SYTL3: variants seen among roughly 807,000 people sequenced by gnomAD.
The protein encoded by SYTL3 is synaptotagmin-like protein 3.
Under a neutral mutation model 82.1 loss-of-function variants are expected in SYTL3, and 88 were observed. The observed-to-expected ratio is 1.07, with a 90% confidence interval of 0.90 to 1.28. The LOEUF (loss-of-function observed/expected upper bound fraction) is 1.28, where lower values mean the gene tolerates loss of function less well. Among genes scored for constraint, SYTL3 ranks in the 50% most tolerant of loss-of-function variants. The pLI, the probability that SYTL3 is intolerant of heterozygous loss-of-function variation, is 0.00. For missense variants in SYTL3, 831 were observed against 757.6 expected, an observed-to-expected ratio of 1.10 and a Z score of -1.14; for synonymous variants, 311 against 289.4, an observed-to-expected ratio of 1.07 and a Z score of -0.76.
Position 158,751,981 on chromosome 6 carries a change from CTG to C in SYTL3, c.1089_1090del (p.Gly364SerfsTer57). 1.9e-6 allele frequency: 3 copies of C among 1,602,818 alleles called. No individual in the cohort carries two copies. The highest frequency in any genetic ancestry group is 1.1e-5 in the South Asian group (1 of 89,004). ...AGATCCTCCCAGGGAAAGCGCAAGA[CTG>C]GAGTCCAAAGGAACACCGTGGACCC... is the stretch of plus-strand genomic sequence containing the variant. On this transcript the variant is annotated frameshift_variant, in exon 13 of 18. Transcript: ENST00000611299. LOFTEE classifies it high-confidence loss of function.
At chr6:158,692,884 G>A (rs1780060592) in intron 6 of SYTL3, among the ~76,000 whole-genome samples, 1 of 152,032 alleles carries the variant, frequency 6.6e-6, no homozygotes, top group Admixed American at 6.5e-5. Flanking sequence ...CTGGGAGGTG[G>A]AGGTTGCAGT....
Position 158,665,478 on chromosome 6 carries a change from G to A in SYTL3, c.194G>A (p.Arg65His), listed in dbSNP as rs771883435. The change falls in exon 5 of 18, where the codon CGC becomes CAC. Residue 65 changes from arginine (R) to histidine (H), a missense_variant. Arg to His is a conservative substitution (Grantham distance 29). Coordinates refer to ENST00000611299, the MANE Select transcript of SYTL3 (RefSeq NM_001242394.2). Reference sequence around the variant, plus strand: ...GAGCACAAAGAGAAGTGCTGTGCGCGCTGCCAGCAGGTGCTGGGGTTCCTG... The same window carrying A: ...GAGCACAAAGAGAAGTGCTGTGCGCACTGCCAGCAGGTGCTGGGGTTCCTG... ...DWEHKEKCCA[R>H]CQQVLGFLLH... The A allele has an allele frequency of 6.8e-6, 11 of 1,606,684 alleles. No individual in the cohort carries two copies. The highest frequency in any genetic ancestry group is 1.7e-5 in the Admixed American group (1 of 58,904).
rs115731226 is a variant in SYTL3, at chr6:158,723,960, C to T, written c.721-1543C>T. ...GTCTAGGACGTGCTTTCTGTTTAAC[C>T]GTCACCAGCTGCTCCAGGTGGAAGG... On this transcript the variant is annotated intron_variant, in intron 10 of 17. Coordinates refer to ENST00000611299, the MANE Select transcript of SYTL3 (RefSeq NM_001242394.2). 9.1e-3 allele frequency among the ~76,000 whole-genome samples: 1,384 copies of T among 152,276 alleles called. 13 individuals are homozygous for T. Among genetic ancestry groups the T allele is most frequent in the African/African-American group, 0.031 (1,275 of 41,544 alleles).
At chr6:158,680,612 T>C (rs983868503) in intron 5 of SYTL3, among the ~76,000 whole-genome samples, 4 of 137,986 alleles carry the variant, frequency 2.9e-5, no homozygotes, top group African/African-American at 1.1e-4. Context: ...ATCAGCCAGG[T>C]GTGGTGGCAC....
At chr6:158,738,109 CA>C (rs1224395991) in intron 11 of SYTL3, among the ~76,000 whole-genome samples, 1 of 152,210 alleles carries the variant, frequency 6.6e-6, no homozygotes, top group African/African-American at 2.4e-5. Flanking sequence ...ACCCAAGGAG[CA>C]AAGTGCATGG....
intron 5 of SYTL3, among the ~76,000 whole-genome samples, chr6:158,680,027 G>C (rs1402843638): frequency 1.3e-5 from 2 of 152,190 alleles, no homozygotes; most frequent in African/African-American, 2.4e-5. Flanking sequence ...TCACCAGAAA[G>C]GCAATTCTGC....
At chr6:158,708,769 GT>G (rs1782416162) in intron 8 of SYTL3, among the ~76,000 whole-genome samples, 1 of 152,132 alleles carries the variant, frequency 6.6e-6, no homozygotes, top group South Asian at 2.1e-4. Flanking sequence ...TCTTTTGAGT[GT>G]TTGCAGGCTC....
In SYTL3 at chr6:158,724,939, C is replaced by T. The variant is rs117632025; in HGVS notation, c.721-564C>T. On this transcript the variant is annotated intron_variant, in intron 10 of 17. Coordinates refer to ENST00000611299, the MANE Select transcript of SYTL3 (RefSeq NM_001242394.2). The stretch of plus-strand genomic sequence containing the variant: ...TTGAGGCAGGAGAATTGCTTGAACC[C>T]GAGAGATGGAGGCTGCAGTGAGCCA... Among the ~76,000 whole-genome samples, 837 of 152,150 alleles carry T rather than the reference C, an allele frequency of 5.5e-3. 28 individuals carry two copies. The East Asian group carries it at 0.11, about 21-fold the overall frequency.
At chr6:158,707,332 A>G in intron 7 of SYTL3, 51 bp downstream of exon 7, 1 of 1,561,484 alleles carries the variant, frequency 6.4e-7, no homozygotes, top group Non-Finnish European at 8.8e-7. Context: ...GCAGGAGCGC[A>G]GAGGACACTC....
At position 158,674,119 on chromosome 6, in the gene SYTL3, A is replaced by AATGATG. The variant is rs1554244792; in HGVS notation, c.329+8518_329+8523dup. ...TAATAATAATAATAATAATAATAAT[A>AATGATG]ATGATGATGATGATGATAATCTTCT... On this transcript the variant is annotated intron_variant, in intron 5 of 17. Coordinates refer to ENST00000611299, the MANE Select transcript of SYTL3 (RefSeq NM_001242394.2). Among the ~76,000 whole-genome samples the AATGATG allele has an allele frequency of 2.4e-3, 340 of 141,438 alleles. 1 individual carries two copies. Among genetic ancestry groups the AATGATG allele is most frequent in the Middle Eastern group, 7.4e-3 (2 of 272 alleles). The allele number at this position is 141,438 out of a possible 152,430, so 92.8% of individuals were successfully genotyped here. A position where few individuals can be genotyped will look rare whatever the true frequency, so the allele number is the denominator to read the frequency against.
Position 158,762,112 on chromosome 6 carries a change from T to C in SYTL3, c.1451T>C (p.Leu484Ser). The change falls in exon 16 of 18, where the codon TTG (leucine) becomes TCG (serine). Residue 484 changes from leucine (L) to serine (S), a missense_variant. Leu to Ser is a moderately radical substitution (Grantham distance 145, BLOSUM62 -2). Transcript: ENST00000611299. ...DQPSLHGQLCLVVLGAKNLPV... is the reference protein window; with the variant it reads ...DQPSLHGQLCSVVLGAKNLPV... ...CCATCACTTCATGGTCAACTTTGTT[T>C]GGTAGTGCTAGGAGCCAAGAATTTA... 1.2e-6 allele frequency: 2 copies of C among 1,614,004 alleles called. No homozygotes were observed. Among genetic ancestry groups the C allele is most frequent in the Admixed American group, 3.3e-5 (2 of 59,970 alleles).
At chr6:158,648,752 A>C (rs1435804346), upstream of SYTL3, among the ~76,000 whole-genome samples, 2 of 151,944 alleles carry the variant, frequency 1.3e-5, no homozygotes. Context: ...ATGCTGAGTC[A>C]AAATAATAGT....
rs1295090107 is a variant in SYTL3 at position 158,718,062 on chromosome 6, A to G, written c.596-25A>G. On this transcript the variant is annotated intron_variant, in intron 9 of 17. Transcript: ENST00000611299. ...TCAGCAAAGCTGCTTGTTCCCACCCATCAACCCTTGTGTTTGCCTTTTAGA... is the reference window on the plus strand; with the variant it reads ...TCAGCAAAGCTGCTTGTTCCCACCCGTCAACCCTTGTGTTTGCCTTTTAGA... 3.3e-6 allele frequency: 5 copies of G among 1,498,740 alleles called. No individual in the cohort carries two copies. In the African/African-American group the frequency reaches 5.6e-5, roughly 17 times the overall value. The allele number at this position is 1,498,740 out of a possible 1,614,324, so 92.8% of individuals were successfully genotyped here.
chr6:158,706,584 C>A (rs941808843), intron 6 of SYTL3, among the ~76,000 whole-genome samples: 8 of 152,136 alleles, frequency 5.3e-5, no homozygotes, highest in Non-Finnish European at 1.0e-4. Context: ...CCTTCCCAGC[C>A]CCCTGCTGGA....
At chr6:158,733,475 C>T (rs991188439) in intron 11 of SYTL3, among the ~76,000 whole-genome samples, 19 of 151,920 alleles carry the variant, frequency 1.3e-4, no homozygotes, top group East Asian at 3.9e-4. Flanking sequence ...CACAGGTGCC[C>T]GCCACCACGC....
chr6:158,651,242 G>C (rs772594501), intron 1 of SYTL3, among the ~76,000 whole-genome samples: 39 of 152,176 alleles, frequency 2.6e-4, no homozygotes, highest in Non-Finnish European at 4.7e-4. Flanking sequence ...AATAGTAGCT[G>C]TTGGCACAAC....
rs201098394 is a variant in SYTL3 at position 158,704,648 on chromosome 6, C to G, written c.395-2582C>G. ...AGGCCTGCAGGCGGAGGGGTGACCC[C>G]GCAGGGTGGGGCACCCCGGAAGCCA... On this transcript the variant is annotated intron_variant, in intron 6 of 17. Transcript: ENST00000611299. Among the ~76,000 whole-genome samples the G allele has an allele frequency of 1.3e-4, 20 of 152,360 alleles. No homozygotes were observed. In the East Asian group the frequency reaches 3.7e-3, roughly 28 times the overall value.
Position 158,749,997 on chromosome 6 carries a change from A to T in SYTL3, c.1035-1931A>T, listed in dbSNP as rs550036440. On this transcript the variant is annotated intron_variant, in intron 12 of 17. Coordinates refer to ENST00000611299, the MANE Select transcript of SYTL3 (RefSeq NM_001242394.2). ...ACCATGAGCAGAGGGAAAAACTAGG[A>T]CATAAGACAAATGTTCATCAACAGG... is the stretch of plus-strand genomic sequence containing the variant. Among the ~76,000 whole-genome samples, 4 of 152,324 alleles carry T rather than the reference A, an allele frequency of 2.6e-5. No individual in the cohort carries two copies. In the East Asian group the frequency reaches 7.7e-4, roughly 29 times the overall value.
chr6:158,648,430 A>G (rs552900604), upstream of SYTL3, among the ~76,000 whole-genome samples: 18 of 151,724 alleles, frequency 1.2e-4, no homozygotes, highest in African/African-American at 4.1e-4. Flanking sequence ...TATCTACTAA[A>G]AATACAAAAA....
Sources: allele counts gnomAD v4.1 joint callset (sites outside exome capture counted in the v4.1 genomes callset), GRCh38; gene constraint gnomAD v4.1.1; transcripts MANE v1.5; gene names NCBI Gene and HGNC (gene_info 2026-07-23, HGNC 2026-07-21).